IQGAP2: variants seen among roughly 807,000 people sequenced by gnomAD.
IQGAP2 encodes the protein IQ motif containing GTPase activating protein 2.
IQGAP2 carries 173 observed loss-of-function variants against 201.3 expected under a neutral mutation model. That is an observed-to-expected ratio of 0.86 (90% CI 0.76 to 0.98). The LOEUF is 0.98. IQGAP2 is among the 50% of genes least tolerant of loss of function. The pLI is 0.00. For synonymous variants in IQGAP2, 675 were observed against 673.9 expected, an observed-to-expected ratio of 1.00 and a Z score of -0.03; for missense variants, 1,687 against 1,864.8, an observed-to-expected ratio of 0.90 and a Z score of 1.76.
chr5:76,631,780 A>C, intron 14 of IQGAP2, 79 bp from the exon 15 acceptor site: 1 of 1,087,764 alleles, frequency 9.2e-7, no homozygotes, highest in South Asian at 2.0e-5. Flanking sequence ...CATTCCTAAA[A>C]CGTTGAATTA....
intron 3 of IQGAP2, among the ~76,000 whole-genome samples, chr5:76,563,102 T>G (rs558630009): frequency 6.6e-6 from 1 of 152,304 alleles, no homozygotes; most frequent in African/African-American, 2.4e-5. Flanking sequence ...TGGTAGCTCT[T>G]GCCCATAATC....
chr5:76,588,822 A>G, intron 5 of IQGAP2, 84 bp from the exon 6 acceptor site: 2 of 767,114 alleles, frequency 2.6e-6, no homozygotes, highest in Admixed American at 2.9e-5. Context: ...TTTCAACTGA[A>G]AAAACTATTA....
chr5:76,579,345 G>T (rs757301652), intron 5 of IQGAP2, among the ~76,000 whole-genome samples: 1 of 151,758 alleles, frequency 6.6e-6, no homozygotes, highest in Non-Finnish European at 1.5e-5. Context: ...GTTTCGGATG[G>T]ATCACTTGTG....
intron 2 of IQGAP2, among the ~76,000 whole-genome samples, chr5:76,525,687 A>G (rs553801273): frequency 1.3e-5 from 2 of 152,238 alleles, no homozygotes; most frequent in East Asian, 1.9e-4. Context: ...TTTTAAATGC[A>G]TAAAATAAGC....
At chr5:76,423,374 G>A (rs1202704316) in intron 1 of IQGAP2, among the ~76,000 whole-genome samples, 4 of 152,188 alleles carry the variant, frequency 2.6e-5, no homozygotes, top group Non-Finnish European at 4.4e-5. Context: ...TGTAATCCCA[G>A]CACTTTGGCA....
chr5:76,645,828 TA>T (rs11320312), intron 17 of IQGAP2, among the ~76,000 whole-genome samples: 136,386 of 147,998 alleles, frequency 0.92, 62,995 homozygotes, highest in Middle Eastern at 0.97. Context: ...CTTAGTATAT[TA>T]AAAAAAAAAA....
At chr5:76,628,249 T>C (rs76305160) in intron 14 of IQGAP2, among the ~76,000 whole-genome samples, 4,373 of 152,306 alleles carry the variant, frequency 0.029, 101 homozygotes, top group South Asian at 0.14. Context: ...GGACACTTGC[T>C]CTGAACTGAC....
chr5:76,663,463 C>T (rs253090), intron 21 of IQGAP2, among the ~76,000 whole-genome samples: 35,499 of 123,904 alleles, frequency 0.29, 4,638 homozygotes, highest in East Asian at 0.57. Flanking sequence ...TCTAGAACAG[C>T]GACTTTCAAA....
intron 31 of IQGAP2, chr5:76,694,082 T>A (rs965398507): frequency 6.6e-6 from 1 of 152,244 alleles, no homozygotes; most frequent in Non-Finnish European, 1.5e-5. Flanking sequence ...ATAATTTTCC[T>A]GGATCATTCT....
At chr5:76,591,817 C>T (rs1041035165) in intron 8 of IQGAP2, among the ~76,000 whole-genome samples, 1 of 152,210 alleles carries the variant, frequency 6.6e-6, no homozygotes, top group African/African-American at 2.4e-5. Context: ...CTCTCTCCTC[C>T]TTCTCCAGAT....
At chr5:76,420,901 C>T (rs1412883625) in intron 1 of IQGAP2, among the ~76,000 whole-genome samples, 14 of 152,162 alleles carry the variant, frequency 9.2e-5, no homozygotes, top group East Asian at 1.9e-4. Flanking sequence ...AGCATGTATC[C>T]GTACTTCCTT....
At chr5:76,465,376 G>A (rs116212546) in intron 2 of IQGAP2, among the ~76,000 whole-genome samples, 2,157 of 152,166 alleles carry the variant, frequency 0.014, 50 homozygotes, top group African/African-American at 0.05. Flanking sequence ...GACTTAAAAC[G>A]TTCAACAAAC....
intron 2 of IQGAP2, among the ~76,000 whole-genome samples, chr5:76,513,028 CT>C (rs1466433303): frequency 6.6e-6 from 1 of 150,630 alleles, no homozygotes; most frequent in Non-Finnish European, 1.5e-5. Context: ...GCACTCCAGC[CT>C]GGGTGACAGA....
chr5:76,408,147 C>T (rs577881516), intron 1 of IQGAP2, among the ~76,000 whole-genome samples: 2 of 150,278 alleles, frequency 1.3e-5, no homozygotes, highest in South Asian at 2.1e-4. Context: ...GGCGAAAGAG[C>T]GAGACTCTGT....
At chr5:76,473,765 T>G (rs1484212192) in intron 2 of IQGAP2, among the ~76,000 whole-genome samples, 1 of 152,252 alleles carries the variant, frequency 6.6e-6, no homozygotes, top group South Asian at 2.1e-4. Flanking sequence ...ATCAATTATC[T>G]TTTTGGTTTT....
At chr5:76,660,668 T>C (rs1743169238) in intron 21 of IQGAP2, among the ~76,000 whole-genome samples, 1 of 152,258 alleles carries the variant, frequency 6.6e-6, no homozygotes, top group Admixed American at 6.5e-5. Context: ...TTATCACTAA[T>C]AGATAACATT....
intron 32 of IQGAP2, among the ~76,000 whole-genome samples, chr5:76,696,429 C>A (rs56347914): frequency 0.1 from 15,689 of 152,236 alleles, 872 homozygotes; most frequent in African/African-American, 0.14. Flanking sequence ...AGCAAAGGAT[C>A]TCAACTTAGT....
Position 76,407,956 on chromosome 5 carries a change from C to A in IQGAP2, c.46+4365C>A, listed in dbSNP as rs531935189. ...GACTAGCCTAGCCAGCATAGTGAAA[C>A]CTTGTCTCTACTAAAAATACAAAAA... is the stretch of plus-strand genomic sequence containing the variant. On this transcript the variant is annotated intron_variant, in intron 1 of 35. Transcript: ENST00000274364. 1.1e-4 allele frequency among the ~76,000 whole-genome samples: 16 copies of A among 152,220 alleles called. No individual in the cohort carries two copies. In the South Asian group the frequency reaches 3.3e-3, roughly 32 times the overall value.
intron 2 of IQGAP2, among the ~76,000 whole-genome samples, chr5:76,508,829 C>CA (rs1311974819): frequency 6.6e-6 from 1 of 152,038 alleles, no homozygotes. Context: ...CTCAGTTCCA[C>CA]AAAATGACAA....
Sources: allele counts gnomAD v4.1 joint callset (sites outside exome capture counted in the v4.1 genomes callset), GRCh38; gene constraint gnomAD v4.1.1; transcripts MANE v1.5; gene names NCBI Gene and HGNC (gene_info 2026-07-23, HGNC 2026-07-21).